The following ENOPH1 variants were observed in gnomAD, a reference collection of about 807,000 sequenced individuals.
ENOPH1 encodes enolase-phosphatase E1.
In ENOPH1, 14 loss-of-function variants were observed where a neutral mutation model predicts 31.1. The ratio of observed to expected loss-of-function variants is 0.45; its 90% confidence interval spans 0.30 to 0.70. The LOEUF is 0.70. Ranked by LOEUF, ENOPH1 falls within the 30% of genes least tolerant of loss-of-function variation. The probability of loss-of-function intolerance (pLI) is 0.09; values close to 1 mark genes in which losing one functional copy is unlikely to be tolerated. For synonymous variants in ENOPH1, 127 were observed against 123.2 expected, an observed-to-expected ratio of 1.03 and a Z score of -0.21; for missense variants, 243 against 321.5, an observed-to-expected ratio of 0.76 and a Z score of 1.87.
At chr4:82,444,471 C>CAA (rs1456300095) in intron 1 of ENOPH1, among the ~76,000 whole-genome samples, 2 of 152,106 alleles carry the variant, frequency 1.3e-5, no homozygotes, top group African/African-American at 2.4e-5. Flanking sequence ...CCTTTTATTA[C>CAA]CCGTTTTCTT....
intron 2 of ENOPH1, among the ~76,000 whole-genome samples, chr4:82,450,420 C>T (rs1418996669): frequency 2.0e-5 from 3 of 152,192 alleles, no homozygotes; most frequent in Admixed American, 2.0e-4. Context: ...ACTTTACTTT[C>T]CTCCCTTACC....
At chr4:82,432,255 TAAC>T (rs1413967834) in intron 1 of ENOPH1, among the ~76,000 whole-genome samples, 6 of 152,204 alleles carry the variant, frequency 3.9e-5, no homozygotes, top group African/African-American at 1.4e-4. Flanking sequence ...ACACCAAACA[TAAC>T]AACCTTTAAA....
chr4:82,457,148 A>G, intron 5 of ENOPH1, 110 bp downstream of exon 5: 1 of 1,090,050 alleles, frequency 9.2e-7, no homozygotes, highest in Non-Finnish European at 1.3e-6. Flanking sequence ...TGAAAAATAA[A>G]ACAGTTTTAC....
At position 82,430,757 on chromosome 4, in the gene ENOPH1, G is replaced by C. The variant is rs1245732704; in HGVS notation, c.-73G>C. 5 of 1,449,134 alleles carry C rather than the reference G, an allele frequency of 3.5e-6. No individual in the cohort carries two copies. Among genetic ancestry groups the C allele is most frequent in the African/African-American group, 1.4e-5 (1 of 71,532 alleles). 89.8% of individuals were successfully genotyped at this position (1,449,134 alleles called of 1,614,324 possible). A position where few individuals can be genotyped will look rare whatever the true frequency, so the allele number is the denominator to read the frequency against. On this transcript the variant is annotated 5_prime_UTR_variant, in exon 1 of 6. Coordinates refer to ENST00000273920, the MANE Select transcript of ENOPH1 (RefSeq NM_021204.5). ...CCGGAAGCCCAAGACGGTACCGGGG[G>C]CCGCAGCCGCAGCCGGCGCCGCCCT...
chr4:82,449,176 G>C (rs1459908768), intron 2 of ENOPH1, among the ~76,000 whole-genome samples: 1 of 150,412 alleles, frequency 6.6e-6, no homozygotes, highest in Non-Finnish European at 1.5e-5. Flanking sequence ...GGAGGTGAAG[G>C]TTGTAGTGAG....
chr4:82,431,618 C>T (rs1721763850), intron 1 of ENOPH1, among the ~76,000 whole-genome samples: 2 of 152,204 alleles, frequency 1.3e-5, no homozygotes, highest in South Asian at 4.1e-4. Flanking sequence ...TGCACCTCAG[C>T]TTGCAACTTA....
At chr4:82,453,805 C>T (rs548885305) in intron 3 of ENOPH1, among the ~76,000 whole-genome samples, 2 of 152,220 alleles carry the variant, frequency 1.3e-5, no homozygotes, top group South Asian at 4.1e-4. Flanking sequence ...TGTCAGAAGT[C>T]AGAAAAAGAC....
intron 1 of ENOPH1, among the ~76,000 whole-genome samples, chr4:82,442,929 A>G (rs949058825): frequency 1.3e-5 from 2 of 151,976 alleles, no homozygotes; most frequent in African/African-American, 2.4e-5. Context: ...GGTTCAAGCA[A>G]TTCTCATGTC....
At chr4:82,456,892 T>A (rs1408207102) in intron 4 of ENOPH1, 23 bp from the exon 5 acceptor site, 1 of 1,612,230 alleles carries the variant, frequency 6.2e-7, no homozygotes, top group African/African-American at 1.3e-5. Flanking sequence ...GTATTGCCAG[T>A]CTTTCCCCTT....
chr4:82,437,997 A>G (rs1721951094), intron 1 of ENOPH1, among the ~76,000 whole-genome samples: 1 of 152,240 alleles, frequency 6.6e-6, no homozygotes, highest in Non-Finnish European at 1.5e-5. Context: ...CAACATTTCC[A>G]AAACCTACAA....
intron 1 of ENOPH1, among the ~76,000 whole-genome samples, chr4:82,443,908 C>A (rs1026498975): frequency 4.0e-5 from 6 of 151,566 alleles, no homozygotes; most frequent in Non-Finnish European, 8.8e-5. Flanking sequence ...TCCCTGTCAC[C>A]CAGGGAGTAC....
At chr4:82,455,718 G>A (rs1180573797) in intron 4 of ENOPH1, among the ~76,000 whole-genome samples, 3 of 151,938 alleles carry the variant, frequency 2.0e-5, no homozygotes, top group Non-Finnish European at 4.4e-5. Context: ...CCCAGGAGGC[G>A]GAGCTTACAG....
At chr4:82,435,216 C>T (rs1466550131) in intron 1 of ENOPH1, among the ~76,000 whole-genome samples, 1 of 152,176 alleles carries the variant, frequency 6.6e-6, no homozygotes, top group African/African-American at 2.4e-5. Context: ...ATCCTCCTAC[C>T]TCAGTCTCCT....
intron 1 of ENOPH1, among the ~76,000 whole-genome samples, chr4:82,432,793 C>T (rs994871926): frequency 6.6e-6 from 1 of 152,062 alleles, no homozygotes; most frequent in African/African-American, 2.4e-5. Context: ...ACGCGCACCA[C>T]CACGCCCGGC....
At chr4:82,441,069 A>G (rs1034967953) in intron 1 of ENOPH1, among the ~76,000 whole-genome samples, 1 of 152,210 alleles carries the variant, frequency 6.6e-6, no homozygotes, top group Non-Finnish European at 1.5e-5. Context: ...TATCTGGCAG[A>G]TGGCATGGAC....
chr4:82,433,196 G>A (rs1271952862), intron 1 of ENOPH1, among the ~76,000 whole-genome samples: 1 of 152,110 alleles, frequency 6.6e-6, no homozygotes, highest in Non-Finnish European at 1.5e-5. Flanking sequence ...AGGTAGATTT[G>A]GGGAGTAAGA....
At chr4:82,444,602 G>T (rs13108205) in intron 1 of ENOPH1, among the ~76,000 whole-genome samples, 1 of 152,068 alleles carries the variant, frequency 6.6e-6, no homozygotes, top group Non-Finnish European at 1.5e-5. Context: ...ACATTTACAA[G>T]GCAACTTTTT....
At chr4:82,441,482 TGTGGTGGCAGGC>T (rs1194181125) in intron 1 of ENOPH1, among the ~76,000 whole-genome samples, 21 of 151,596 alleles carry the variant, frequency 1.4e-4, no homozygotes, top group African/African-American at 4.4e-4. Context: ...ATTGGCCGGG[TGTGGTGGCAGGC>T]GTGGTGGCGG....
At chr4:82,453,367 C>T (rs1560467939) in intron 3 of ENOPH1, among the ~76,000 whole-genome samples, 1 of 152,166 alleles carries the variant, frequency 6.6e-6, no homozygotes, top group Non-Finnish European at 1.5e-5. Flanking sequence ...ACTGGAATTT[C>T]AGGATATGCC....
Sources: allele counts gnomAD v4.1 joint callset (sites outside exome capture counted in the v4.1 genomes callset), GRCh38; gene constraint gnomAD v4.1.1; transcripts MANE v1.5; gene names NCBI Gene and HGNC (gene_info 2026-07-23, HGNC 2026-07-21).